EMCN: variants seen among roughly 807,000 people sequenced by gnomAD.
The protein encoded by EMCN is endomucin.
EMCN carries 37 observed loss-of-function variants against 38.4 expected under a neutral mutation model. The ratio of observed to expected loss-of-function variants is 0.96; its 90% CI spans 0.74 to 1.27. EMCN has a LOEUF of 1.27. EMCN is among the 50% of genes most tolerant of loss of function. The pLI, the probability that EMCN is intolerant of heterozygous loss-of-function variation, is 0.00. For synonymous variants in EMCN, 95 were observed against 100.8 expected (o/e 0.94, Z 0.35); for missense variants, 318 against 302.8 (o/e 1.05, Z -0.37).
At chr4:100,451,458 G>C (rs1211734087) in intron 4 of EMCN, among the ~76,000 whole-genome samples, 1 of 151,790 alleles carries the variant, frequency 6.6e-6, no homozygotes, top group African/African-American at 2.4e-5. Flanking sequence ...GTATAAATCA[G>C]GCATAGTGGG....
intron 5 of EMCN, among the ~76,000 whole-genome samples, chr4:100,428,629 G>A (rs1727117146): frequency 6.6e-6 from 1 of 152,120 alleles, no homozygotes; most frequent in Admixed American, 6.6e-5. Flanking sequence ...ATCACTGAAT[G>A]TATAAACAAA....
At chr4:100,418,338 A>G (rs1235717721) in intron 8 of EMCN, among the ~76,000 whole-genome samples, 1 of 152,202 alleles carries the variant, frequency 6.6e-6, no homozygotes, top group South Asian at 2.1e-4. Flanking sequence ...CATGCAATGC[A>G]TAACAATCAC....
Position 100,517,705 on chromosome 4 carries a change from C to T in EMCN, c.64+146G>A, listed in dbSNP as rs1729795314. 16 of 773,040 alleles carry T rather than the reference C, an allele frequency of 2.1e-5. No individual in the cohort carries two copies. The South Asian group carries it at 2.5e-4, about 12-fold the overall frequency. The allele number at this position is 773,040 out of a possible 1,614,324, so 47.9% of individuals were successfully genotyped here. ...GTCTCTCTCAAGCCTTCTCCACGCA[C>T]TCCAAGTCAACATCCAAACACTCAA... On this transcript the variant is annotated intron_variant, in intron 1 of 11. Coordinates refer to ENST00000296420, the MANE Select transcript of EMCN (RefSeq NM_016242.4).
chr4:100,448,829 TC>T (rs1560619321), intron 4 of EMCN, among the ~76,000 whole-genome samples: 4,727 of 147,386 alleles, frequency 0.032, 231 homozygotes, highest in South Asian at 0.076. Context: ...CCTTCCTCCC[TC>T]CCTCCCTCCC....
intron 4 of EMCN, among the ~76,000 whole-genome samples, chr4:100,450,825 G>A (rs935818627): frequency 6.6e-6 from 1 of 151,812 alleles, no homozygotes; most frequent in African/African-American, 2.4e-5. Context: ...AAGCTGGGTG[G>A]GTAATTAGAT....
chr4:100,396,106 A>G lies in EMCN; in HGVS notation c.*2307T>C, dbSNP rs1726112319. 1 of 152,200 alleles carries G rather than the reference A, an allele frequency of 6.6e-6. No homozygotes were observed. Among genetic ancestry groups the G allele is most frequent in the Admixed American group, 6.6e-5 (1 of 15,264 alleles). The allele number at this position is 152,200 out of a possible 1,614,324, so 9.4% of individuals were successfully genotyped here. ...TGATTAATGGTAATTTTGGCTTGAA[A>G]ACAAAATATCCTATCTCAACAGAAG... On this transcript the variant is annotated 3_prime_UTR_variant, in exon 12 of 12. Coordinates refer to ENST00000296420, the MANE Select transcript of EMCN (RefSeq NM_016242.4).
At chr4:100,516,367 ACTCGTCGATG>A (rs1238556083) in intron 1 of EMCN, among the ~76,000 whole-genome samples, 1 of 151,938 alleles carries the variant, frequency 6.6e-6, no homozygotes, top group Non-Finnish European at 1.5e-5. Flanking sequence ...AAAGTATTGC[ACTCGTCGATG>A]CTTGCAGACC....
At chr4:100,430,708 C>T (rs1016927256) in intron 5 of EMCN, among the ~76,000 whole-genome samples, 27 of 152,128 alleles carry the variant, frequency 1.8e-4, no homozygotes, top group South Asian at 2.1e-4. Context: ...CTTTGAGATT[C>T]GGTAGATCCC....
At chr4:100,441,735 A>G (rs1727522731) in intron 5 of EMCN, among the ~76,000 whole-genome samples, 1 of 152,210 alleles carries the variant, frequency 6.6e-6, no homozygotes, top group Admixed American at 6.5e-5. Flanking sequence ...TTTTAAGCAG[A>G]TAATAACTTA....
chr4:100,420,395 A>T (rs762030097), intron 8 of EMCN, among the ~76,000 whole-genome samples: 1 of 152,002 alleles, frequency 6.6e-6, no homozygotes. Context: ...GAGATTAGGT[A>T]TGTTATGAAA....
At chr4:100,433,999 G>A (rs895114585) in intron 5 of EMCN, among the ~76,000 whole-genome samples, 16 of 151,992 alleles carry the variant, frequency 1.1e-4, no homozygotes, top group African/African-American at 3.9e-4. Flanking sequence ...CCCCAAAGCT[G>A]GCAGAAGACA....
intron 1 of EMCN, among the ~76,000 whole-genome samples, chr4:100,516,054 C>T (rs1050151050): frequency 5.9e-5 from 9 of 152,028 alleles, no homozygotes; most frequent in Non-Finnish European, 1.3e-4. Flanking sequence ...GACTTGTTGG[C>T]TGACTTGAAG....
intron 3 of EMCN, 137 bp downstream of exon 3, chr4:100,474,901 G>T: frequency 2.5e-6 from 1 of 397,354 alleles, no homozygotes; most frequent in East Asian, 3.8e-5. Flanking sequence ...AAAATGTGCT[G>T]AAATTAATAG....
chr4:100,507,570 GGGTACTGGCCTTGTAAGAGT>G (rs1560645959), intron 1 of EMCN, among the ~76,000 whole-genome samples: 1 of 152,086 alleles, frequency 6.6e-6, no homozygotes, highest in Non-Finnish European at 1.5e-5. Context: ...GAACTCCACT[GGGTACTGGCCTTGTAAGAGT>G]GGCTAGAGGG....
At chr4:100,516,932 C>T (rs138840962) in intron 1 of EMCN, among the ~76,000 whole-genome samples, 208 of 152,000 alleles carry the variant, frequency 1.4e-3, no homozygotes, top group Non-Finnish European at 2.2e-3. Flanking sequence ...GTTTGTTCTT[C>T]AATTTTCACA....
chr4:100,511,299 A>G (rs1729618577), intron 1 of EMCN, among the ~76,000 whole-genome samples: 1 of 152,158 alleles, frequency 6.6e-6, no homozygotes, highest in African/African-American at 2.4e-5. Context: ...TTGTGATGGA[A>G]GTAATGTGTG....
At chr4:100,504,464 A>G (rs571263119) in intron 1 of EMCN, among the ~76,000 whole-genome samples, 1 of 152,364 alleles carries the variant, frequency 6.6e-6, no homozygotes, top group East Asian at 1.9e-4. Flanking sequence ...GATCATAGAC[A>G]TGATTATATA....
chr4:100,460,054 A>T (rs957857101), intron 4 of EMCN, among the ~76,000 whole-genome samples: 5 of 152,136 alleles, frequency 3.3e-5, no homozygotes, highest in African/African-American at 7.2e-5. Flanking sequence ...AGTATACAAG[A>T]TTTCTCTTTT....
intron 5 of EMCN, among the ~76,000 whole-genome samples, chr4:100,443,170 C>G (rs1727570037): frequency 6.6e-6 from 1 of 152,192 alleles, no homozygotes; most frequent in African/African-American, 2.4e-5. Flanking sequence ...CTTTAAATCA[C>G]TTTTCAGAGA....
Sources: gnomAD v4.1 joint callset for allele counts (sites outside exome capture counted in the v4.1 genomes callset) on GRCh38, gnomAD v4.1.1 for gene constraint, MANE v1.5 for transcripts, NCBI Gene and HGNC (gene_info 2026-07-23, HGNC 2026-07-21) for gene names.